Variants in CDH23 observed in about 807,000 individuals in gnomAD.
CDH23 encodes cadherin related 23.
CDH23 carries 189 observed loss-of-function variants against 317.1 expected under a neutral mutation model. That is an observed-to-expected ratio of 0.60 (90% CI 0.53 to 0.67). CDH23 has a LOEUF of 0.67. Ranked by LOEUF, CDH23 falls within the 30% of genes least tolerant of loss-of-function variation. The pLI, the probability that CDH23 is intolerant of heterozygous loss-of-function variation, is 0.00. For missense variants in CDH23, 4,401 were observed against 4,592.4 expected (o/e 0.96, Z 1.20); for synonymous variants, 1,839 against 1,876.8 (o/e 0.98, Z 0.52).
chr10:71,415,605 T>C (rs751619087), intron 1 of CDH23, among the ~76,000 whole-genome samples: 2 of 152,236 alleles, frequency 1.3e-5, no homozygotes, highest in Non-Finnish European at 2.9e-5. Context: ...CTCATTGTTT[T>C]ATAGATTTTC....
chr10:71,469,968 T>C (rs1293669849), intron 3 of CDH23, among the ~76,000 whole-genome samples: 3 of 152,056 alleles, frequency 2.0e-5, no homozygotes, highest in Non-Finnish European at 2.9e-5. Context: ...AGGAATGAGA[T>C]TGCTGAATCA....
intron 16 of CDH23, among the ~76,000 whole-genome samples, chr10:71,678,961 G>A (rs894629526): frequency 6.6e-6 from 1 of 152,176 alleles, no homozygotes; most frequent in Non-Finnish European, 1.5e-5. Context: ...ACCACTGGGT[G>A]TAAGGGGACC....
rs776501112 is a variant in CDH23, at chr10:71,732,195, C to T, written c.3924C>T (p.Asp1308=). 40 of 1,613,736 alleles carry T rather than the reference C, an allele frequency of 2.5e-5. No homozygotes were observed. The highest frequency in any genetic ancestry group is 1.0e-4 in the Admixed American group (6 of 59,990). Residue 1308 remains aspartate, a synonymous_variant, in exon 32 of 70, where the codon GAC becomes GAT. Coordinates refer to ENST00000224721, the MANE Select transcript of CDH23 (RefSeq NM_022124.6). ...SVYITLLNEL[D]EAVQFSNASY... ...ACATCACTCTGCTCAACGAGCTGGA[C>T]GAGGCCGTGCAGTTCTCCAATGCCT...
At chr10:71,789,812 T>C (rs1175225628) in intron 45 of CDH23, among the ~76,000 whole-genome samples, 13 of 152,248 alleles carry the variant, frequency 8.5e-5, no homozygotes, top group Admixed American at 8.5e-4. Flanking sequence ...ATCCCAGGCC[T>C]GTGCGTGCTC....
chr10:71,751,832 A>G lies in CDH23; in HGVS notation c.4845+9911A>G. The G allele has an allele frequency of 6.4e-7, 1 of 1,567,310 alleles. No individual in the cohort carries two copies. The highest frequency in any genetic ancestry group is 1.4e-5 in the African/African-American group (1 of 73,288). ...CCCCTGGGCAGGTGGTGAGGCTTCA[A>G]AGCCGGGGTTTTCAATCCCTTGAAT... On this transcript the variant is annotated intron_variant, in intron 38 of 69. Coordinates refer to ENST00000224721, the MANE Select transcript of CDH23 (RefSeq NM_022124.6). This position sits in a 1 kb window ranked among gnomAD's most constrained non-coding sequence, Gnocchi z 4.9.
chr10:71,794,301 C>A (rs750899434), intron 48 of CDH23, among the ~76,000 whole-genome samples: 1 of 152,216 alleles, frequency 6.6e-6, no homozygotes. Flanking sequence ...TGCACCCAGC[C>A]GTGATACCTT....
chr10:71,510,244 C>T lies in CDH23; in HGVS notation c.288+20C>T. On this transcript the variant is annotated intron_variant, in intron 4 of 69. Transcript: ENST00000224721. ...AGAGAGGTATGACTTGCCCATACCC[C>T]TGCCCCAATTCTCTCCTGGGGACAG... The T allele has an allele frequency of 6.2e-7, 1 of 1,610,420 alleles. No homozygotes were observed. Among genetic ancestry groups the T allele is most frequent in the Non-Finnish European group, 8.5e-7 (1 of 1,178,248 alleles).
At chr10:71,536,600 A>G (rs151216594) in intron 6 of CDH23, among the ~76,000 whole-genome samples, 162 of 152,282 alleles carry the variant, frequency 1.1e-3, no homozygotes, top group African/African-American at 3.7e-3. Context: ...TTGAATTTGG[A>G]ATGGGGCTGG....
chr10:71,526,945 T>C (rs1855071801), intron 6 of CDH23, among the ~76,000 whole-genome samples: 1 of 152,166 alleles, frequency 6.6e-6, no homozygotes, highest in Non-Finnish European at 1.5e-5. Flanking sequence ...GAGGTGTTTA[T>C]GTCTCGAGTG....
chr10:71,465,157 C>G (rs1420669705), intron 3 of CDH23, among the ~76,000 whole-genome samples: 1 of 152,268 alleles, frequency 6.6e-6, no homozygotes, highest in Admixed American at 6.5e-5. Context: ...ACTGGCCACA[C>G]TGCAGGTGTT....
At chr10:71,497,603 G>C (rs1245122574) in intron 3 of CDH23, among the ~76,000 whole-genome samples, 1 of 152,206 alleles carries the variant, frequency 6.6e-6, no homozygotes, top group African/African-American at 2.4e-5. Flanking sequence ...TTGGGAGCCG[G>C]GTTGGGTCTT....
intron 1 of CDH23, among the ~76,000 whole-genome samples, chr10:71,419,268 G>T (rs1346239408): frequency 6.6e-6 from 1 of 152,138 alleles, no homozygotes; most frequent in Non-Finnish European, 1.5e-5. Context: ...CTACAGGAAT[G>T]GACTCTCTGA....
rs2132731028 is a variant in CDH23 at position 71,702,012 on chromosome 10, T to C, written c.2398-10T>C. ...CGGCTCAGTGAAGGGGTCTGCTCCC[T>C]CCCGGGCAGGTGGTGGCTGTTGACC... On this transcript the variant is annotated splice_polypyrimidine_tract_variant and intron_variant, in intron 22 of 69. Transcript: ENST00000224721. 2 of 1,613,298 alleles carry C rather than the reference T, an allele frequency of 1.2e-6. No homozygotes were observed. The highest frequency in any genetic ancestry group is 1.7e-6 in the Non-Finnish European group (2 of 1,179,820).
intron 6 of CDH23, among the ~76,000 whole-genome samples, chr10:71,564,405 C>T (rs988277508): frequency 6.6e-6 from 1 of 152,194 alleles, no homozygotes; most frequent in Admixed American, 6.5e-5. Context: ...TGGCTCCTTG[C>T]CAGGCCCATT....
chr10:71,751,109 C>T lies in CDH23; in HGVS notation c.4845+9188C>T. 2.0e-6 allele frequency: 2 copies of T among 990,454 alleles called. No individual in the cohort carries two copies. Among genetic ancestry groups the T allele is most frequent in the Non-Finnish European group, 3.0e-6 (2 of 677,842 alleles). The allele number at this position is 990,454 out of a possible 1,614,324, so 61.4% of individuals were successfully genotyped here. A position where few individuals can be genotyped will look rare whatever the true frequency, so the allele number is the denominator to read the frequency against. Reference sequence around the variant, plus strand: ...CATCCAGAGGGGTTGAGGGGCTGGGCTTCTGGGATGTCACAGTATCTGAGC... The same window carrying T: ...CATCCAGAGGGGTTGAGGGGCTGGGTTTCTGGGATGTCACAGTATCTGAGC... On this transcript the variant is annotated intron_variant, in intron 38 of 69. Coordinates refer to ENST00000224721, the MANE Select transcript of CDH23 (RefSeq NM_022124.6). This position sits in a 1 kb window ranked among gnomAD's most constrained non-coding sequence, Gnocchi z 4.9.
chr10:71,400,688 A>G (rs1487372479), intron 1 of CDH23, among the ~76,000 whole-genome samples: 1 of 152,132 alleles, frequency 6.6e-6, no homozygotes, highest in Non-Finnish European at 1.5e-5. Flanking sequence ...AATCCCAGCT[A>G]CGTGAGAGGC....
intron 38 of CDH23, among the ~76,000 whole-genome samples, chr10:71,765,282 GGTA>G (rs1564783134): frequency 6.6e-6 from 1 of 152,222 alleles, no homozygotes; most frequent in African/African-American, 2.4e-5. Context: ...CTTCAGCTAC[GGTA>G]GTATTTACCA....
At chr10:71,645,773 G>A (rs778878494) in intron 12 of CDH23, 58 bp from the exon 13 acceptor site, 34 of 1,594,178 alleles carry the variant, frequency 2.1e-5, no homozygotes, top group Non-Finnish European at 2.7e-5. Context: ...CTCCATTTGG[G>A]TCTAGGCTTT....
intron 11 of CDH23, among the ~76,000 whole-genome samples, chr10:71,637,989 G>C (rs776315844): frequency 2.0e-5 from 3 of 152,184 alleles, no homozygotes; most frequent in Admixed American, 6.5e-5. Flanking sequence ...GTTGGTTGAC[G>C]GTCCCCTAGC....
Sources: allele counts gnomAD v4.1 joint callset (sites outside exome capture counted in the v4.1 genomes callset), GRCh38; gene constraint gnomAD v4.1.1; non-coding constraint Gnocchi (gnomAD v3.1); transcripts MANE v1.5; gene names NCBI Gene and HGNC (gene_info 2026-07-23, HGNC 2026-07-21).